The following NOVA2 variants were observed in gnomAD, a reference collection of about 807,000 sequenced individuals.
The protein encoded by NOVA2 is RNA-binding protein Nova-2.
A neutral mutation model predicts 22.5 loss-of-function variants in NOVA2; 9 were observed. The ratio of observed to expected loss-of-function variants is 0.40; its 90% CI spans 0.24 to 0.70. NOVA2 has a LOEUF of 0.70. Ranked by LOEUF, NOVA2 falls within the 30% of genes least tolerant of loss-of-function variation. NOVA2 has a pLI of 0.38. For missense variants in NOVA2, 383 were observed against 682.8 expected (o/e 0.56, Z 4.89); for synonymous variants, 318 against 335.2 (o/e 0.95, Z 0.56).
intron 2 of NOVA2, among the ~76,000 whole-genome samples, chr19:45,954,293 G>T (rs1955114786): frequency 6.6e-6 from 1 of 152,146 alleles, no homozygotes; most frequent in Non-Finnish European, 1.5e-5. Context: ...TGGTTGCTTT[G>T]GCAACCATTC....
At position 45,961,157 on chromosome 19, in the gene NOVA2, C is replaced by A. The variant is rs369518352; in HGVS notation, c.86-4G>T. 9.0e-6 allele frequency: 14 copies of A among 1,558,402 alleles called. No individual in the cohort carries two copies. Among genetic ancestry groups the A allele is most frequent in the African/African-American group, 1.4e-5 (1 of 73,310 alleles). On this transcript the variant is annotated splice_polypyrimidine_tract_variant and splice_region_variant and intron_variant, in intron 1 of 3. Coordinates refer to ENST00000263257, the MANE Select transcript of NOVA2 (RefSeq NM_002516.4). ...TTCAGGAAGTATTCGCCTTCCTCTGCGGGGGCACACAGGGTGGAGGGGAGT... is the reference window on the plus strand; with the variant it reads ...TTCAGGAAGTATTCGCCTTCCTCTGAGGGGGCACACAGGGTGGAGGGGAGT...
At chr19:45,970,792 A>C (rs1303968896) in intron 1 of NOVA2, among the ~76,000 whole-genome samples, 2 of 152,058 alleles carry the variant, frequency 1.3e-5, no homozygotes, top group Non-Finnish European at 2.9e-5. Context: ...AGAAGCCCTC[A>C]ATTTTGGGAT....
intron 3 of NOVA2, among the ~76,000 whole-genome samples, chr19:45,947,047 C>G (rs1457312769): frequency 1.3e-5 from 2 of 152,138 alleles, no homozygotes. Flanking sequence ...AATCTATGCC[C>G]TAACATTCCC....
intron 1 of NOVA2, chr19:45,962,207 C>G (rs185645693): frequency 1.4e-3 from 221 of 154,138 alleles, no homozygotes; most frequent in African/African-American, 5.1e-3. Context: ...GGCGGTCTGA[C>G]AGGTGGAAGC....
At chr19:45,954,880 G>GTA (rs1229177130) in intron 2 of NOVA2, among the ~76,000 whole-genome samples, 1 of 151,658 alleles carries the variant, frequency 6.6e-6, no homozygotes, top group Non-Finnish European at 1.5e-5. Context: ...GTGTGTGTGT[G>GTA]TGTGTGTGTG....
rs535391571 is a variant in NOVA2, at chr19:45,954,528, G to A, written c.230-582C>T. On this transcript the variant is annotated intron_variant, in intron 2 of 3. Coordinates refer to ENST00000263257, the MANE Select transcript of NOVA2 (RefSeq NM_002516.4). ...GAAGAGCTGGGGGATGGGGGAGGCAGAGGAGAGGCCTGAGTGCCTGTCTGA... is the reference window on the plus strand; with the variant it reads ...GAAGAGCTGGGGGATGGGGGAGGCAAAGGAGAGGCCTGAGTGCCTGTCTGA... Among the ~76,000 whole-genome samples, 322 of 152,040 alleles carry A rather than the reference G, an allele frequency of 2.1e-3. 1 individual carries two copies. The highest frequency in any genetic ancestry group is 7.5e-3 in the African/African-American group (311 of 41,462).
At chr19:45,966,882 A>G (rs948464873) in intron 1 of NOVA2, among the ~76,000 whole-genome samples, 1 of 151,828 alleles carries the variant, frequency 6.6e-6, no homozygotes, top group Non-Finnish European at 1.5e-5. Context: ...CGTCTCAAAT[A>G]AAAAAAAATT....
At chr19:45,945,676 G>A (rs1297319387) in intron 3 of NOVA2, among the ~76,000 whole-genome samples, 1 of 152,116 alleles carries the variant, frequency 6.6e-6, no homozygotes, top group Non-Finnish European at 1.5e-5. Context: ...AAAGTCTTAC[G>A]GGTGTAGATA....
intron 1 of NOVA2, among the ~76,000 whole-genome samples, chr19:45,964,384 G>C (rs1160609661): frequency 6.7e-6 from 1 of 148,798 alleles, no homozygotes; most frequent in African/African-American, 2.5e-5. Context: ...GTGTGTGTGT[G>C]TGTGTGTGTG....
At position 45,973,282 on chromosome 19, in the gene NOVA2, G is replaced by T; in HGVS notation, c.70C>A (p.Arg24Ser). The change falls in exon 1 of 4, where the codon CGC becomes AGC. Residue 24 changes from arginine to serine, a missense_variant. Physicochemically the swap from Arg to Ser is moderately radical, Grantham distance 110. Transcript: ENST00000263257. ...CCTTTCTCACCTCCCGTGTTGCTGC[G>T]CTTGGTGCAGACCACCTCGGGGGGC... is the stretch of plus-strand genomic sequence containing the variant. ...ETPPEVVCTK[R>S]SNTGEEGEYF... is the part of the protein sequence containing the mutation. 6.8e-7 allele frequency: 1 copy of T among 1,467,336 alleles called. No individual in the cohort carries two copies. Among genetic ancestry groups the T allele is most frequent in the Non-Finnish European group, 9.0e-7 (1 of 1,105,514 alleles). 90.9% of individuals were successfully genotyped at this position (1,467,336 alleles called of 1,614,324 possible).
At chr19:45,946,932 A>T (rs1316849233) in intron 3 of NOVA2, among the ~76,000 whole-genome samples, 2 of 151,940 alleles carry the variant, frequency 1.3e-5, no homozygotes, top group African/African-American at 2.4e-5. Context: ...ATGTACACAC[A>T]TGCATGCACA....
intron 1 of NOVA2, among the ~76,000 whole-genome samples, chr19:45,971,016 C>G (rs1600623183): frequency 6.6e-6 from 1 of 152,122 alleles, no homozygotes; most frequent in African/African-American, 2.4e-5. Flanking sequence ...AGCTCCGGAA[C>G]CAGGCAGCCT....
At chr19:45,952,825 G>T (rs868796226) in intron 3 of NOVA2, among the ~76,000 whole-genome samples, 47 of 152,256 alleles carry the variant, frequency 3.1e-4, no homozygotes, top group African/African-American at 9.6e-4. Context: ...AGGCTTCTCC[G>T]CCCACCATTT....
Position 45,973,250 on chromosome 19 carries a change from C to T in NOVA2, c.85+17G>A. On this transcript the variant is annotated intron_variant, in intron 1 of 3. Coordinates refer to ENST00000263257, the MANE Select transcript of NOVA2 (RefSeq NM_002516.4). ...CCCCTGCCCGCTCCCCCGCCCCGAGCCGCAGCCCTTTCTCACCTCCCGTGT... is the reference window on the plus strand; with the variant it reads ...CCCCTGCCCGCTCCCCCGCCCCGAGTCGCAGCCCTTTCTCACCTCCCGTGT... 2.1e-6 allele frequency: 3 copies of T among 1,445,440 alleles called. No individual in the cohort carries two copies. Among genetic ancestry groups the T allele is most frequent in the Non-Finnish European group, 1.8e-6 (2 of 1,091,958 alleles). 89.5% of individuals were successfully genotyped at this position (1,445,440 alleles called of 1,614,324 possible).
intron 1 of NOVA2, among the ~76,000 whole-genome samples, chr19:45,961,803 T>C (rs1242665844): frequency 2.6e-5 from 4 of 152,314 alleles, no homozygotes; most frequent in Middle Eastern, 6.8e-3. Context: ...TGCTCTGAAC[T>C]ATTATGATCA....
intron 2 of NOVA2, among the ~76,000 whole-genome samples, chr19:45,956,523 T>A (rs1192417471): frequency 6.6e-6 from 1 of 151,688 alleles, no homozygotes; most frequent in East Asian, 1.9e-4. Context: ...CAGGCTGGAG[T>A]GCAGCGGTGC....
At position 45,970,810 on chromosome 19, in the gene NOVA2, C is replaced by A. The variant is rs202236202; in HGVS notation, c.85+2457G>T. On this transcript the variant is annotated intron_variant, in intron 1 of 3. Coordinates refer to ENST00000263257, the MANE Select transcript of NOVA2 (RefSeq NM_002516.4). ...AGCCCTCAATTTTGGGATCAAAGTC[C>A]TGGACCCTTGCCCAGCCCTGCCCCT... is the stretch of plus-strand genomic sequence containing the variant. 2.6e-5 allele frequency among the ~76,000 whole-genome samples: 4 copies of A among 152,298 alleles called. No homozygotes were observed. The East Asian group carries it at 7.7e-4, about 29-fold the overall frequency.
At chr19:45,941,725 T>C (rs1260621328) in intron 3 of NOVA2, among the ~76,000 whole-genome samples, 2 of 152,146 alleles carry the variant, frequency 1.3e-5, no homozygotes, top group Non-Finnish European at 2.9e-5. Context: ...AGCGAGATCT[T>C]GCCTCTAACA....
chr19:45,951,492 C>A (rs1034792728), intron 3 of NOVA2, among the ~76,000 whole-genome samples: 2 of 152,118 alleles, frequency 1.3e-5, no homozygotes, highest in African/African-American at 4.8e-5. Context: ...GTAACAGGTG[C>A]CTGTAATCCC....
Sources: allele counts gnomAD v4.1 joint callset (sites outside exome capture counted in the v4.1 genomes callset), GRCh38; gene constraint gnomAD v4.1.1; transcripts MANE v1.5; gene names NCBI Gene and HGNC (gene_info 2026-07-23, HGNC 2026-07-21).